Variants in ROBO2 observed in about 807,000 individuals in gnomAD.
The protein encoded by ROBO2 is roundabout homolog 2.
A neutral mutation model predicts 160.8 loss-of-function variants in ROBO2; 53 were observed. The ratio of observed to expected loss-of-function variants is 0.33; its 90% CI spans 0.26 to 0.41. ROBO2 has a LOEUF of 0.41. Among genes scored for constraint, ROBO2 ranks in the 10% least tolerant of loss-of-function variants. ROBO2 has a pLI of 1.00. For missense variants in ROBO2, 1,577 were observed against 1,722.4 expected, an observed-to-expected ratio of 0.92 and a Z score of 1.49; for synonymous variants, 664 against 611.7, an observed-to-expected ratio of 1.09 and a Z score of -1.26.
At chr3:76,642,779 T>G (rs1475048214) in intron 2 of ROBO2, among the ~76,000 whole-genome samples, 2 of 152,206 alleles carry the variant, frequency 1.3e-5, no homozygotes, top group African/African-American at 4.8e-5. Flanking sequence ...TTCATTCTTC[T>G]GCAGCAATTG....
In ROBO2 at chr3:76,329,657, C is replaced by T. The variant is rs1193927100; in HGVS notation, c.109+392055C>T. Among the ~76,000 whole-genome samples, 4 of 152,198 alleles carry T rather than the reference C, an allele frequency of 2.6e-5. No individual in the cohort carries two copies. The East Asian group carries it at 7.7e-4, about 29-fold the overall frequency. On this transcript the variant is annotated intron_variant, in intron 2 of 26. Transcript: ENST00000487694. ...AGTTCAGAGTCAAAGGATACTTCTG[C>T]TTTGCGTTTTGGCACGCTCAGCAAG...
chr3:77,022,480 C>T (rs1024056721), intron 2 of ROBO2, among the ~76,000 whole-genome samples: 4 of 152,186 alleles, frequency 2.6e-5, no homozygotes, highest in Non-Finnish European at 5.9e-5. Context: ...CACTGGCTTT[C>T]CCCACCTCAG....
chr3:76,706,604 CAAATT>C (rs2093167950), intron 2 of ROBO2, among the ~76,000 whole-genome samples: 1 of 151,736 alleles, frequency 6.6e-6, no homozygotes, highest in South Asian at 2.1e-4. Flanking sequence ...CATTTATAAA[CAAATT>C]GAATATAAAC....
chr3:77,635,458 T>C (rs1481434789), intron 24 of ROBO2, among the ~76,000 whole-genome samples: 1 of 152,206 alleles, frequency 6.6e-6, no homozygotes, highest in African/African-American at 2.4e-5. Flanking sequence ...TTAGTAATTT[T>C]TTAGTCACAA....
intron 2 of ROBO2, among the ~76,000 whole-genome samples, chr3:76,379,035 T>A (rs568888305): frequency 6.6e-6 from 1 of 152,260 alleles, no homozygotes; most frequent in African/African-American, 2.4e-5. Context: ...AATATCAGCA[T>A]TGCTTAGACT....
chr3:77,107,445 C>T (rs1363320270), intron 2 of ROBO2, among the ~76,000 whole-genome samples: 8 of 152,114 alleles, frequency 5.3e-5, no homozygotes, highest in Admixed American at 4.6e-4. Flanking sequence ...ACACATTTGT[C>T]GGTTCCTCAT....
chr3:76,219,825 G>A (rs1054862499), intron 2 of ROBO2, among the ~76,000 whole-genome samples: 2 of 152,102 alleles, frequency 1.3e-5, no homozygotes, highest in African/African-American at 4.8e-5. Flanking sequence ...TCCCATTACT[G>A]GGTATATACC....
At chr3:77,201,786 T>C (rs1339085642) in intron 2 of ROBO2, among the ~76,000 whole-genome samples, 2 of 152,062 alleles carry the variant, frequency 1.3e-5, no homozygotes, top group Non-Finnish European at 2.9e-5. Context: ...ATTATTTCCA[T>C]GAGGGGAAAA....
chr3:77,427,151 G>A (rs186665376), intron 2 of ROBO2, among the ~76,000 whole-genome samples: 41 of 152,300 alleles, frequency 2.7e-4, no homozygotes, highest in African/African-American at 9.9e-4. Context: ...CTGGAAAAGG[G>A]ATGAGGTTAA....
chr3:76,353,301 A>C (rs982055142), intron 2 of ROBO2, among the ~76,000 whole-genome samples: 2 of 151,982 alleles, frequency 1.3e-5, no homozygotes, highest in African/African-American at 4.8e-5. Context: ...TTGTGTAGGC[A>C]TAAGAACAGT....
In ROBO2 at chr3:76,403,759, T is replaced by C. The variant is rs1401440901; in HGVS notation, c.109+466157T>C. The stretch of plus-strand genomic sequence containing the variant: ...AGTGATTGTGACTCATTCTAATGTT[T>C]GAGGCAGTGACTTTTCCTTTCATCC... On this transcript the variant is annotated intron_variant, in intron 2 of 26. Coordinates refer to the ROBO2 transcript ENST00000487694. 2.0e-5 allele frequency among the ~76,000 whole-genome samples: 3 copies of C among 151,650 alleles called. No individual in the cohort carries two copies. The East Asian group carries it at 5.8e-4, about 29-fold the overall frequency.
chr3:77,199,775 A>G (rs1161403766), intron 2 of ROBO2, among the ~76,000 whole-genome samples: 1 of 146,584 alleles, frequency 6.8e-6, no homozygotes, highest in Non-Finnish European at 1.5e-5. Context: ...CGCTTGTGCC[A>G]CCGTACCTCG....
intron 2 of ROBO2, among the ~76,000 whole-genome samples, chr3:76,573,714 T>A (rs1401994123): frequency 6.6e-6 from 1 of 152,096 alleles, no homozygotes; most frequent in Non-Finnish European, 1.5e-5. Context: ...GGGCTCATCA[T>A]ATCTACTTTT....
At chr3:77,578,450 A>T (rs1386143403) in intron 15 of ROBO2, among the ~76,000 whole-genome samples, 1 of 152,114 alleles carries the variant, frequency 6.6e-6, no homozygotes, top group African/African-American at 2.4e-5. Context: ...ATACAAAACT[A>T]GACACCCATT....
At chr3:77,622,307 T>G (rs1296936053) in exon 23 of ROBO2, 5 of 1,614,186 alleles carry the variant, frequency 3.1e-6, no homozygotes, top group Non-Finnish European at 3.4e-6. Flanking sequence ...ATTTCTGATT[T>G]GGAAACGGAT....
chr3:77,014,099 A>C (rs2062080448), intron 2 of ROBO2, among the ~76,000 whole-genome samples: 1 of 151,504 alleles, frequency 6.6e-6, no homozygotes, highest in African/African-American at 2.4e-5. Flanking sequence ...AGGTCTGTAC[A>C]AATACTTTCA....
intron 2 of ROBO2, among the ~76,000 whole-genome samples, chr3:76,496,258 A>C (rs2080144040): frequency 6.6e-6 from 1 of 152,246 alleles, no homozygotes; most frequent in Non-Finnish European, 1.5e-5. Flanking sequence ...TCTTAAATTC[A>C]ATTCTTTCAT....
intron 2 of ROBO2, among the ~76,000 whole-genome samples, chr3:76,842,552 C>T (rs2068387086): frequency 6.6e-6 from 1 of 152,074 alleles, no homozygotes; most frequent in South Asian, 2.1e-4. Context: ...ATTTGATTGT[C>T]CTTATATGAA....
At chr3:76,072,666 A>G (rs2068501868) in intron 2 of ROBO2, among the ~76,000 whole-genome samples, 1 of 152,164 alleles carries the variant, frequency 6.6e-6, no homozygotes. Flanking sequence ...AATATCATAT[A>G]TTATTCTTTA....
Sources: allele counts gnomAD v4.1 joint callset (sites outside exome capture counted in the v4.1 genomes callset), GRCh38; gene constraint gnomAD v4.1.1; transcripts MANE v1.5; gene names NCBI Gene and HGNC (gene_info 2026-07-23, HGNC 2026-07-21).